VEPH1: variants seen among roughly 807,000 people sequenced by gnomAD.
VEPH1 encodes ventricular zone-expressed PH domain-containing protein homolog 1.
VEPH1 carries 80 observed loss-of-function variants against 85.2 expected under a neutral mutation model. That is an observed-to-expected ratio of 0.94 (90% CI 0.78 to 1.13). VEPH1 has a LOEUF of 1.13. VEPH1 is among the 50% of genes most tolerant of loss of function. VEPH1 has a pLI of 0.00. For synonymous variants in VEPH1, 297 were observed against 348.0 expected, an observed-to-expected ratio of 0.85 and a Z score of 1.63; for missense variants, 955 against 980.5, an observed-to-expected ratio of 0.97 and a Z score of 0.35.
chr3:157,452,431 G>A (rs781499981), intron 4 of VEPH1, among the ~76,000 whole-genome samples: 8 of 152,228 alleles, frequency 5.3e-5, no homozygotes, highest in Non-Finnish European at 1.2e-4. Context: ...TTAGTCAAAA[G>A]TGGGAGGCCA....
chr3:157,486,127 T>C (rs186955427), intron 2 of VEPH1, among the ~76,000 whole-genome samples: 181 of 152,308 alleles, frequency 1.2e-3, no homozygotes, highest in African/African-American at 3.7e-3. Context: ...ACATATTTAA[T>C]ATCCAATAAT....
At chr3:157,449,091 C>A (rs993114704) in intron 4 of VEPH1, among the ~76,000 whole-genome samples, 1 of 152,208 alleles carries the variant, frequency 6.6e-6, no homozygotes, top group Non-Finnish European at 1.5e-5. Context: ...CAATAAACAT[C>A]TTTCTTTTGG....
At chr3:157,493,377 T>A in intron 2 of VEPH1, 1 of 426,480 alleles carries the variant, frequency 2.3e-6, no homozygotes, top group Non-Finnish European at 4.7e-6. Flanking sequence ...TGGGGCTGGA[T>A]CTGAGGGAAG....
intron 7 of VEPH1, among the ~76,000 whole-genome samples, chr3:157,373,102 T>A (rs1458468872): frequency 2.0e-5 from 3 of 152,198 alleles, no homozygotes; most frequent in Non-Finnish European, 4.4e-5. Context: ...AGGCTGACCC[T>A]ATTAGTAACT....
At chr3:157,459,873 C>T (rs1010936980) in intron 4 of VEPH1, 1 of 1,536,830 alleles carries the variant, frequency 6.5e-7, no homozygotes, top group African/African-American at 1.4e-5. Flanking sequence ...GATAAGATCT[C>T]CACAGTTGGT....
At position 157,335,351 on chromosome 3, in the gene VEPH1, T is replaced by C. The variant is rs75189969; in HGVS notation, c.1736-18150A>G. Among the ~76,000 whole-genome samples, 931 of 152,094 alleles carry C rather than the reference T, an allele frequency of 6.1e-3. 16 individuals are homozygous for C. Among genetic ancestry groups the C allele is most frequent in the African/African-American group, 0.021 (880 of 41,474 alleles). On this transcript the variant is annotated intron_variant, in intron 9 of 13. Transcript: ENST00000362010. ...GGTTGGGGCTTCAGTGAGCCGTGTT[T>C]GCATCACTGCACTCCAGCCTGGGCA...
intron 6 of VEPH1, among the ~76,000 whole-genome samples, chr3:157,394,599 G>A (rs1327737186): frequency 1.3e-5 from 2 of 152,148 alleles, no homozygotes; most frequent in Non-Finnish European, 2.9e-5. Flanking sequence ...GCTTCTGTGG[G>A]AAGCCTCAGG....
intron 3 of VEPH1, among the ~76,000 whole-genome samples, chr3:157,461,998 C>T (rs1211115589): frequency 6.7e-6 from 1 of 149,946 alleles, no homozygotes; most frequent in Non-Finnish European, 1.5e-5. Context: ...AAGAAGATAT[C>T]TATAATATGT....
chr3:157,488,798 A>T (rs1353731025), intron 2 of VEPH1, among the ~76,000 whole-genome samples: 3 of 148,082 alleles, frequency 2.0e-5, no homozygotes, highest in African/African-American at 7.5e-5. Flanking sequence ...TTCTTCCTAC[A>T]CTCCCTTCCC....
chr3:157,445,228 G>A (rs1020894122), intron 4 of VEPH1, among the ~76,000 whole-genome samples: 2 of 152,128 alleles, frequency 1.3e-5, no homozygotes, highest in Non-Finnish European at 2.9e-5. Flanking sequence ...GCCTGCCCAC[G>A]GACTTCTTTT....
chr3:157,377,050 C>G (rs1180951680), intron 7 of VEPH1, among the ~76,000 whole-genome samples: 1 of 152,134 alleles, frequency 6.6e-6, no homozygotes, highest in Non-Finnish European at 1.5e-5. Flanking sequence ...GGGAGAGAAG[C>G]CTTAGCAACC....
chr3:157,440,877 G>A (rs1439437838), intron 4 of VEPH1, among the ~76,000 whole-genome samples: 5 of 152,220 alleles, frequency 3.3e-5, no homozygotes, highest in Middle Eastern at 3.4e-3. Context: ...GCAGAAACAT[G>A]TTCTCCAACC....
At position 157,304,023 on chromosome 3, in the gene VEPH1, T is replaced by TTA. The variant is rs1553761056; in HGVS notation, c.2010+9596_2010+9597dup. ...ACTTAAATTTCTCATCTTATATTTT[T>TTA]TATATATATATATATACACACATAC... On this transcript the variant is annotated intron_variant, in intron 11 of 13. Transcript: ENST00000362010. Among the ~76,000 whole-genome samples the TTA allele has an allele frequency of 7.4e-4, 66 of 89,106 alleles. 4 individuals carry two copies. Among genetic ancestry groups the TTA allele is most frequent in the African/African-American group, 1.4e-3 (27 of 19,494 alleles). 58.5% of individuals were successfully genotyped at this position (89,106 alleles called of 152,430 possible). A position where few individuals can be genotyped will look rare whatever the true frequency, so the allele number is the denominator to read the frequency against.
chr3:157,313,135 A>T (rs1180453283), intron 11 of VEPH1, among the ~76,000 whole-genome samples: 1 of 151,320 alleles, frequency 6.6e-6, no homozygotes, highest in Non-Finnish European at 1.5e-5. Context: ...CGATCTCCTG[A>T]CCTCGTGATC....
rs539944195 is a variant in VEPH1, at chr3:157,269,148, A to G, written c.2129-3486T>C. Reference sequence around the variant, plus strand: ...GTACATGGATCCTTTTGGATCTGACATAGAGGATTAACTACTTTATTTTTT... The same window carrying G: ...GTACATGGATCCTTTTGGATCTGACGTAGAGGATTAACTACTTTATTTTTT... On this transcript the variant is annotated intron_variant, in intron 12 of 13. Transcript: ENST00000362010. Among the ~76,000 whole-genome samples the G allele has an allele frequency of 1.7e-3, 264 of 152,346 alleles. 2 individuals carry two copies. The highest frequency in any genetic ancestry group is 3.4e-3 in the Non-Finnish European group (230 of 68,030).
intron 9 of VEPH1, among the ~76,000 whole-genome samples, chr3:157,353,439 G>T (rs1327561242): frequency 6.6e-6 from 1 of 151,894 alleles, no homozygotes; most frequent in Non-Finnish European, 1.5e-5. Flanking sequence ...CTAATTTTTG[G>T]ATATTTTAAT....
At chr3:157,333,783 G>A (rs1722710251) in intron 9 of VEPH1, among the ~76,000 whole-genome samples, 1 of 152,188 alleles carries the variant, frequency 6.6e-6, no homozygotes, top group Non-Finnish European at 1.5e-5. Context: ...ACAGTAACCA[G>A]ATATAGGGCA....
intron 12 of VEPH1, among the ~76,000 whole-genome samples, chr3:157,266,332 A>G (rs1027130724): frequency 6.6e-6 from 1 of 151,602 alleles, no homozygotes; most frequent in African/African-American, 2.4e-5. Context: ...TCCCATCTTC[A>G]CCTAGTCAAC....
rs116664484 is a variant in VEPH1, at chr3:157,299,901, T to C, written c.2011-13227A>G. ...TACTGTTTATTGAGCTCTTACTATA[T>C]GGCAATCACTGCTCCATGGACTTTA... On this transcript the variant is annotated intron_variant, in intron 11 of 13. Transcript: ENST00000362010. Among the ~76,000 whole-genome samples, 1,273 of 152,308 alleles carry C rather than the reference T, an allele frequency of 8.4e-3. 28 individuals carry two copies. Among genetic ancestry groups the C allele is most frequent in the African/African-American group, 0.028 (1,180 of 41,556 alleles).
Sources: gnomAD v4.1 joint callset for allele counts (sites outside exome capture counted in the v4.1 genomes callset) on GRCh38, gnomAD v4.1.1 for gene constraint, MANE v1.5 for transcripts, NCBI Gene and HGNC (gene_info 2026-07-23, HGNC 2026-07-21) for gene names.